The following TMOD4 variants were observed in gnomAD, a reference collection of about 807,000 sequenced individuals.
TMOD4 encodes the protein tropomodulin-4.
A neutral mutation model predicts 45.4 loss-of-function variants in TMOD4; 34 were observed. The ratio of observed to expected loss-of-function variants is 0.75; its 90% CI spans 0.57 to 1.00. TMOD4 has a LOEUF of 1.00. Among genes scored for constraint, TMOD4 ranks in the 50% least tolerant of loss-of-function variants. The pLI is 0.00. For synonymous variants in TMOD4, 131 were observed against 153.9 expected, an observed-to-expected ratio of 0.85 and a Z score of 1.10; for missense variants, 399 against 437.5, an observed-to-expected ratio of 0.91 and a Z score of 0.78.
chr1:151,170,113 A>C lies in TMOD4; in HGVS notation c.1016-10T>G. The C allele has an allele frequency of 1.2e-6, 2 of 1,614,196 alleles. No individual in the cohort carries two copies. Among genetic ancestry groups the C allele is most frequent in the Non-Finnish European group, 1.7e-6 (2 of 1,180,032 alleles). ...TTCTTTTGCTGGCGACCTGTAAAGG[A>C]GCAATATTAAACATAAGTGTTTGTT... On this transcript the variant is annotated splice_polypyrimidine_tract_variant and intron_variant, in intron 9 of 9. Coordinates refer to ENST00000295314, the MANE Select transcript of TMOD4 (RefSeq NM_013353.3).
rs751815869 is a variant in TMOD4, at chr1:151,171,631, A to C, written c.618+2T>G. The C allele has an allele frequency of 5.6e-6, 9 of 1,614,006 alleles. No homozygotes were observed. Among genetic ancestry groups the C allele is most frequent in the Non-Finnish European group, 7.6e-6 (9 of 1,179,966 alleles). ...ATGGTTTGGAGGATGCAAGTCAAAT[A>C]CCTGTATATTATTCAAGTTCACCTC... is the stretch of plus-strand genomic sequence containing the variant. On this transcript the variant is annotated splice_donor_variant, in intron 6 of 9. Coordinates refer to ENST00000295314, the MANE Select transcript of TMOD4 (RefSeq NM_013353.3). LOFTEE classifies it high-confidence loss of function.
intron 5 of TMOD4, 136 bp downstream of exon 5, chr1:151,172,132 C>A: frequency 1.4e-6 from 1 of 737,410 alleles, no homozygotes; most frequent in Admixed American, 2.5e-5. Flanking sequence ...CCTCACCTGG[C>A]ACTCCACAGG....
chr1:151,173,404 C>T (rs1391420327), intron 4 of TMOD4, 95 bp downstream of exon 4: 4 of 842,532 alleles, frequency 4.7e-6, no homozygotes, highest in African/African-American at 1.7e-5. Flanking sequence ...TAGACATCCA[C>T]ATTCTGGTTG....
At position 151,171,543 on chromosome 1, in the gene TMOD4, A is replaced by G. The variant is rs765307311; in HGVS notation, c.619-3T>C. The G allele has an allele frequency of 7.4e-6, 12 of 1,614,120 alleles. No homozygotes were observed. The highest frequency in any genetic ancestry group is 6.7e-5 in the East Asian group (3 of 44,878). The stretch of plus-strand genomic sequence containing the variant: ...CTTAGCATGGGTATTGGGATGTCCT[A>G]TCGGAGGGGAATAGGAGATGGTGGG... On this transcript the variant is annotated splice_region_variant and splice_polypyrimidine_tract_variant and intron_variant, in intron 6 of 9. Transcript: ENST00000295314.
At chr1:151,170,846 G>C in intron 8 of TMOD4, 74 bp downstream of exon 8, 2 of 1,565,288 alleles carry the variant, frequency 1.3e-6, no homozygotes, top group South Asian at 1.2e-5. Flanking sequence ...AAGTAAGATA[G>C]CTGCCCCACT....
chr1:151,173,692 C>G, intron 3 of TMOD4, 77 bp from the exon 4 acceptor site: 1 of 1,152,388 alleles, frequency 8.7e-7, no homozygotes, highest in Non-Finnish European at 1.3e-6. Context: ...CCTTCCTCCT[C>G]CAGGAGGTAG....
chr1:151,172,721 C>G (rs1438141655), intron 4 of TMOD4, among the ~76,000 whole-genome samples: 1 of 152,206 alleles, frequency 6.6e-6, no homozygotes, highest in Non-Finnish European at 1.5e-5. Context: ...CCACCTCCAC[C>G]TCCCGGGTTC....
At position 151,171,687 on chromosome 1, in the gene TMOD4, C is replaced by T. The variant is rs770261287; in HGVS notation, c.564G>A (p.Lys188=). The T allele has an allele frequency of 1.9e-6, 3 of 1,614,130 alleles. No individual in the cohort carries two copies. Among genetic ancestry groups the T allele is most frequent in the Non-Finnish European group, 1.7e-6 (2 of 1,180,026 alleles). Reference sequence around the variant, plus strand: ...GCTCCTTGTCATTGCTTCGGACCCTCTTTAGTATCTCCTCAATGTTTGTGG... The same window carrying T: ...GCTCCTTGTCATTGCTTCGGACCCTTTTTAGTATCTCCTCAATGTTTGTGG... ...PNPTNIEEIL[K]RVRSNDKELE... The change falls in exon 6 of 10, where the codon AAG becomes AAA. Residue 188 remains lysine, a synonymous_variant. Coordinates refer to ENST00000295314, the MANE Select transcript of TMOD4 (RefSeq NM_013353.3).
chr1:151,171,839 T>A, intron 5 of TMOD4, 76 bp from the exon 6 acceptor site: 3 of 278,756 alleles, frequency 1.1e-5, no homozygotes, highest in Non-Finnish European at 1.6e-5. Context: ...TTTTCTTTTC[T>A]TTTTTTTTTT....
In TMOD4 at chr1:151,172,174, C is replaced by T. The variant is rs1333239411; in HGVS notation, c.487+94G>A. On this transcript the variant is annotated intron_variant, in intron 5 of 9. Transcript: ENST00000295314. ...TATCACTCATGCAGCATGTCCTCTC[C>T]CAGAATCATCAATTTCACCCTTTTC... The T allele has an allele frequency of 3.8e-6, 4 of 1,057,910 alleles. No individual in the cohort carries two copies. The African/African-American group carries it at 4.7e-5, about 12-fold the overall frequency. The allele number at this position is 1,057,910 out of a possible 1,614,324, so 65.5% of individuals were successfully genotyped here.
Position 151,171,427 on chromosome 1 carries a change from C to A in TMOD4, c.726+6G>T, listed in dbSNP as rs1466429912. ...GGAGAGGGCTGGGGATGTCAACTAGCCTTACATTGGCAATGGGGTCACCAC... is the reference window on the plus strand; with the variant it reads ...GGAGAGGGCTGGGGATGTCAACTAGACTTACATTGGCAATGGGGTCACCAC... On this transcript the variant is annotated splice_donor_region_variant and intron_variant, in intron 7 of 9. Transcript: ENST00000295314. 6.2e-7 allele frequency: 1 copy of A among 1,612,864 alleles called. No individual in the cohort carries two copies. Among genetic ancestry groups the A allele is most frequent in the Non-Finnish European group, 8.5e-7 (1 of 1,178,900 alleles).
At chr1:151,171,271 TAG>T (rs1386765403) in intron 7 of TMOD4, among the ~76,000 whole-genome samples, 160 bp downstream of exon 7, 1 of 151,158 alleles carries the variant, frequency 6.6e-6, no homozygotes, top group Non-Finnish European at 1.5e-5. Context: ...TTAGAGAGAG[TAG>T]AGAGTTATGA....
intron 9 of TMOD4, 170 bp from the exon 10 acceptor site, chr1:151,170,273 T>A: frequency 1.2e-6 from 1 of 866,594 alleles, no homozygotes; most frequent in Non-Finnish European, 1.8e-6. Context: ...ACACCACAAA[T>A]AAAATTACGA....
chr1:151,171,016 G>A lies in TMOD4; in HGVS notation c.774C>T (p.Asn258=). The part of the protein sequence containing the change: ...LRENRSLQSL[N]IESNFISSTG... ...TGCTGCTAATGAAGTTGGATTCGAT[G>A]TTTAGGCTCTGGAGGCTACGATTCT... Residue 258 remains asparagine (N), a synonymous_variant, in exon 8 of 10, where the codon AAC becomes AAT. Coordinates refer to ENST00000295314, the MANE Select transcript of TMOD4 (RefSeq NM_013353.3). The A allele has an allele frequency of 6.2e-7, 1 of 1,614,182 alleles. No individual in the cohort carries two copies. Among genetic ancestry groups the A allele is most frequent in the Non-Finnish European group, 8.5e-7 (1 of 1,180,048 alleles).
chr1:151,173,211 A>G lies in TMOD4; in HGVS notation c.397+288T>C, dbSNP rs78781885. ...GCTCAGGCAATCCTGAGTGCTCCCA[A>G]GTGCACTCAGGCCTCCCAAGTGCTG... On this transcript the variant is annotated intron_variant, in intron 4 of 9. Coordinates refer to ENST00000295314, the MANE Select transcript of TMOD4 (RefSeq NM_013353.3). 5.7e-3 allele frequency among the ~76,000 whole-genome samples: 874 copies of G among 152,090 alleles called. 3 individuals carry two copies. Among genetic ancestry groups the G allele is most frequent in the Non-Finnish European group, 0.01 (684 of 67,974 alleles).
chr1:151,171,381 A>G (rs1683949085), intron 7 of TMOD4, 52 bp downstream of exon 7: 1 of 1,495,274 alleles, frequency 6.7e-7, no homozygotes. Flanking sequence ...CAGCCATGCA[A>G]CAGGTGCATG....
Position 151,170,950 on chromosome 1 carries a change from G to A in TMOD4, c.840C>T (p.Ala280=), listed in dbSNP as rs1419194635. 6.2e-7 allele frequency: 1 copy of A among 1,614,160 alleles called. No homozygotes were observed. Among genetic ancestry groups the A allele is most frequent in the African/African-American group, 1.3e-5 (1 of 75,032 alleles). ...TGTCTACACGGAGCTCAGTGAGTGT[G>A]GCATTTTCCCGAACTGCCTTCAGCA... ...MAVLKAVREN[A]TLTELRVDNQ... Residue 280 remains alanine (A), a synonymous_variant, in exon 8 of 10, where the codon GCC becomes GCT. Transcript: ENST00000295314.
rs35954676 is a variant in TMOD4 at position 151,171,484 on chromosome 1, A to G, written c.675T>C (p.Tyr225=). 1,487 of 1,614,150 alleles carry G rather than the reference A, an allele frequency of 9.2e-4. 14 individuals are homozygous for G. In the African/African-American group the frequency reaches 0.016, roughly 18 times the overall value. ...TGGCTACCAGACTGAAGCTCCGCAC[A>G]TAGGTATTTGCCTTCATTGCCTCAC... ...ELCEAMKANT[Y]VRSFSLVATR... is the part of the protein sequence containing the mutation. The change falls in exon 7 of 10, where the codon TAT becomes TAC. Residue 225 remains tyrosine, a synonymous_variant. Coordinates refer to ENST00000295314, the MANE Select transcript of TMOD4 (RefSeq NM_013353.3).
intron 9 of TMOD4, 91 bp from the exon 10 acceptor site, chr1:151,170,194 T>G: frequency 6.6e-7 from 1 of 1,511,250 alleles, no homozygotes; most frequent in Non-Finnish European, 9.2e-7. Flanking sequence ...TTAGCCAAAC[T>G]CATAAATTGG....
Sources: allele counts gnomAD v4.1 joint callset (sites outside exome capture counted in the v4.1 genomes callset), GRCh38; gene constraint gnomAD v4.1.1; transcripts MANE v1.5; gene names NCBI Gene and HGNC (gene_info 2026-07-23, HGNC 2026-07-21).